Variants in GPC6 observed in about 807,000 individuals in gnomAD.
GPC6 encodes the protein glypican 6.
A neutral mutation model predicts 55.2 loss-of-function variants in GPC6; 14 were observed. That is an observed-to-expected ratio of 0.25 (90% CI 0.17 to 0.40). The LOEUF (loss-of-function observed/expected upper bound fraction) is 0.40. Ranked by LOEUF, GPC6 falls within the 10% of genes least tolerant of loss-of-function variation. The pLI is 1.00. For synonymous variants in GPC6, 278 were observed against 259.6 expected, an observed-to-expected ratio of 1.07 and a Z score of -0.68; for missense variants, 641 against 708.5, an observed-to-expected ratio of 0.90 and a Z score of 1.08.
At chr13:93,815,619 C>A (rs1886822085) in intron 2 of GPC6, among the ~76,000 whole-genome samples, 1 of 152,082 alleles carries the variant, frequency 6.6e-6, no homozygotes, top group African/African-American at 2.4e-5. Flanking sequence ...ATGAATTTGA[C>A]ATTTTTCTTT....
chr13:94,181,539 A>G (rs577521896), intron 4 of GPC6, among the ~76,000 whole-genome samples: 33 of 152,236 alleles, frequency 2.2e-4, no homozygotes, highest in Non-Finnish European at 3.4e-4. Context: ...GACTTAATCT[A>G]TTGTCTATGG....
At chr13:94,232,398 A>G (rs1890757117) in intron 4 of GPC6, among the ~76,000 whole-genome samples, 1 of 152,202 alleles carries the variant, frequency 6.6e-6, no homozygotes, top group African/African-American at 2.4e-5. Flanking sequence ...CACGTCACAC[A>G]CTGGCACTGA....
At chr13:93,300,504 C>A (rs9524004) in intron 1 of GPC6, among the ~76,000 whole-genome samples, 1 of 151,448 alleles carries the variant, frequency 6.6e-6, no homozygotes, top group Non-Finnish European at 1.5e-5. Flanking sequence ...AAAAATTAGC[C>A]GGGCGTGGTG....
chr13:93,563,283 G>C (rs558010540), intron 2 of GPC6, among the ~76,000 whole-genome samples: 60 of 152,260 alleles, frequency 3.9e-4, no homozygotes, highest in African/African-American at 1.4e-3. Context: ...AGTAAATCAT[G>C]GTGGGAGGGA....
intron 3 of GPC6, among the ~76,000 whole-genome samples, chr13:93,905,167 G>A (rs150550568): frequency 6.6e-6 from 1 of 151,302 alleles, no homozygotes; most frequent in Non-Finnish European, 1.5e-5. Context: ...AATAAGTAGG[G>A]ATGATTATTT....
intron 1 of GPC6, among the ~76,000 whole-genome samples, chr13:93,406,861 A>T (rs1159154272): frequency 1.3e-5 from 2 of 152,174 alleles, no homozygotes; most frequent in Non-Finnish European, 2.9e-5. Flanking sequence ...TGAAATATTT[A>T]AAAAGTGTCA....
At chr13:93,379,491 C>T (rs1875065793) in intron 1 of GPC6, among the ~76,000 whole-genome samples, 1 of 152,070 alleles carries the variant, frequency 6.6e-6, no homozygotes, top group Admixed American at 6.6e-5. Context: ...ATATATGCCC[C>T]ATTAACTTTT....
intron 3 of GPC6, among the ~76,000 whole-genome samples, chr13:93,906,690 T>C (rs1460080441): frequency 2.0e-5 from 3 of 152,196 alleles, no homozygotes; most frequent in Non-Finnish European, 4.4e-5. Context: ...TGTATTCAAA[T>C]GACGTTTATA....
chr13:93,402,311 G>T (rs1015280153), intron 1 of GPC6, among the ~76,000 whole-genome samples: 2 of 152,086 alleles, frequency 1.3e-5, no homozygotes, highest in Non-Finnish European at 2.9e-5. Context: ...CTTCATAAGC[G>T]CTAGGGCAAT....
At chr13:93,894,808 T>TAAAATTC (rs1449182810) in intron 3 of GPC6, among the ~76,000 whole-genome samples, 1 of 152,042 alleles carries the variant, frequency 6.6e-6, no homozygotes, top group African/African-American at 2.4e-5. Flanking sequence ...GGAATACACA[T>TAAAATTC]AAAAATTCAA....
chr13:94,163,901 T>C (rs1333244), intron 4 of GPC6, among the ~76,000 whole-genome samples: 11,632 of 152,242 alleles, frequency 0.076, 497 homozygotes, highest in Middle Eastern at 0.21. Flanking sequence ...ACAGTATAGA[T>C]GACTAGATAA....
intron 4 of GPC6, among the ~76,000 whole-genome samples, chr13:94,220,791 A>G (rs959728086): frequency 3.9e-5 from 6 of 152,054 alleles, no homozygotes; most frequent in Non-Finnish European, 8.8e-5. Context: ...TCCTATGTCA[A>G]TAGGACACTA....
At chr13:93,388,166 A>G (rs1268698064) in intron 1 of GPC6, among the ~76,000 whole-genome samples, 1 of 152,186 alleles carries the variant, frequency 6.6e-6, no homozygotes, top group African/African-American at 2.4e-5. Flanking sequence ...GATAACTGCT[A>G]TTTAAACCTA....
At chr13:93,294,614 G>A (rs566828443) in intron 1 of GPC6, among the ~76,000 whole-genome samples, 5 of 152,182 alleles carry the variant, frequency 3.3e-5, no homozygotes, top group South Asian at 4.2e-4. Context: ...TGCCTGTCTC[G>A]AAGTTGCTTA....
chr13:93,459,995 T>A (rs1475423343), intron 1 of GPC6, among the ~76,000 whole-genome samples: 1 of 152,152 alleles, frequency 6.6e-6, no homozygotes, highest in Non-Finnish European at 1.5e-5. Flanking sequence ...AAGGCTAACT[T>A]TTCTTTTGGC....
At chr13:94,092,829 T>C (rs1285522521) in intron 4 of GPC6, among the ~76,000 whole-genome samples, 1 of 152,184 alleles carries the variant, frequency 6.6e-6, no homozygotes, top group East Asian at 1.9e-4. Context: ...CTGGCAGGTA[T>C]GAGGTGATAT....
chr13:94,382,557 G>A lies in GPC6; in HGVS notation c.1289+7G>A. The A allele has an allele frequency of 6.2e-7, 1 of 1,614,038 alleles. No individual in the cohort carries two copies. The highest frequency in any genetic ancestry group is 8.5e-7 in the Non-Finnish European group (1 of 1,180,012). ...ACGGGCACAGCAAAGCCAGGTGAGG[G>A]TGACTCGATGTGTGCATGGATGGGG... On this transcript the variant is annotated splice_region_variant and intron_variant, in intron 7 of 8. Coordinates refer to ENST00000377047, the MANE Select transcript of GPC6 (RefSeq NM_005708.5).
intron 4 of GPC6, among the ~76,000 whole-genome samples, chr13:94,237,119 C>G (rs886466420): frequency 6.6e-6 from 1 of 152,062 alleles, no homozygotes; most frequent in African/African-American, 2.4e-5. Context: ...AGGATGAGAA[C>G]TTGTTCCATT....
chr13:93,895,600 G>A (rs1875964197), intron 3 of GPC6, among the ~76,000 whole-genome samples: 2 of 151,870 alleles, frequency 1.3e-5, no homozygotes, highest in South Asian at 4.1e-4. Context: ...GTGCATTTAT[G>A]TAAACCTCAA....
Sources: allele counts gnomAD v4.1 joint callset (sites outside exome capture counted in the v4.1 genomes callset), GRCh38; gene constraint gnomAD v4.1.1; transcripts MANE v1.5; gene names NCBI Gene and HGNC (gene_info 2026-07-23, HGNC 2026-07-21).